Variants in TPRG1 observed in about 807,000 individuals in gnomAD.
The protein encoded by TPRG1 is tumor protein p63 regulated 1.
A neutral mutation model predicts 29.3 loss-of-function variants in TPRG1; 29 were observed. The ratio of observed to expected loss-of-function variants is 0.99; its 90% CI spans 0.74 to 1.35. The LOEUF (loss-of-function observed/expected upper bound fraction) is 1.35. Ranked by LOEUF, TPRG1 falls within the 40% of genes most tolerant of loss-of-function variation. TPRG1 has a pLI of 0.00. For missense variants in TPRG1, 327 were observed against 335.0 expected (o/e 0.98, Z 0.19); for synonymous variants, 130 against 116.8 (o/e 1.11, Z -0.73).
At chr3:189,097,239 G>T (rs1718739314), upstream of TPRG1, among the ~76,000 whole-genome samples, 1 of 152,134 alleles carries the variant, frequency 6.6e-6, no homozygotes, top group East Asian at 1.9e-4. Flanking sequence ...TCCTGGTGGT[G>T]GATACACCTT....
intron 4 of TPRG1, among the ~76,000 whole-genome samples, chr3:189,092,723 C>T (rs1718419063): frequency 6.6e-6 from 1 of 152,080 alleles, no homozygotes; most frequent in Non-Finnish European, 1.5e-5. Flanking sequence ...ACGGGCAATA[C>T]CACTGTCACC....
In TPRG1 at chr3:189,147,834, A is replaced by C. The variant is rs564143104; in HGVS notation, c.-227+187A>C. On this transcript the variant is annotated intron_variant, in intron 4 of 6. Coordinates refer to the TPRG1 transcript ENST00000412373. Reference sequence around the variant, plus strand: ...TTGAGTCTGGCAGATGGGGGTGGGCAGGAGGTTAAGGAACTTCAGCAGACG... The same window carrying C: ...TTGAGTCTGGCAGATGGGGGTGGGCCGGAGGTTAAGGAACTTCAGCAGACG... Among the ~76,000 whole-genome samples the C allele has an allele frequency of 9.8e-5, 15 of 152,300 alleles. No individual in the cohort carries two copies. In the East Asian group the frequency reaches 2.9e-3, roughly 29 times the overall value.
chr3:189,117,832 A>C (rs1380626518), intron 1 of TPRG1, among the ~76,000 whole-genome samples: 3 of 152,228 alleles, frequency 2.0e-5, no homozygotes, highest in Non-Finnish European at 4.4e-5. Flanking sequence ...ACTGTGAGTC[A>C]ATTAAACTTC....
At chr3:189,200,282 A>T (rs777932986) in intron 1 of TPRG1, among the ~76,000 whole-genome samples, 4 of 152,180 alleles carry the variant, frequency 2.6e-5, no homozygotes, top group Non-Finnish European at 5.9e-5. Context: ...ATTGTTTGCC[A>T]ATTTTCTTAT....
intron 1 of TPRG1, chr3:189,207,083 A>G (rs182269052): frequency 6.9e-5 from 50 of 720,772 alleles, no homozygotes. Context: ...TCTGGTAATT[A>G]TTTTATATAG....
At chr3:189,034,816 T>C (rs113612631) in intron 4 of TPRG1, among the ~76,000 whole-genome samples, 1 of 152,162 alleles carries the variant, frequency 6.6e-6, no homozygotes, top group South Asian at 2.1e-4. Flanking sequence ...AAACATTCCA[T>C]GCTCATTTAT....
intron 4 of TPRG1, among the ~76,000 whole-genome samples, chr3:189,093,265 AG>A (rs1718458428): frequency 6.6e-6 from 1 of 152,214 alleles, no homozygotes; most frequent in Admixed American, 6.5e-5. Context: ...TAAAGAATTC[AG>A]CTGCATTTTG....
At chr3:189,258,313 C>A (rs1216520069) in intron 4 of TPRG1, among the ~76,000 whole-genome samples, 2 of 152,092 alleles carry the variant, frequency 1.3e-5, no homozygotes, top group South Asian at 2.1e-4. Context: ...ACCCTGTTTG[C>A]CTGGGTATCA....
At chr3:189,088,574 G>C (rs941242217) in intron 4 of TPRG1, among the ~76,000 whole-genome samples, 1 of 151,872 alleles carries the variant, frequency 6.6e-6, no homozygotes, top group East Asian at 1.9e-4. Flanking sequence ...CAAATGTCGG[G>C]GTTACTTCCA....
chr3:189,012,600 A>G (rs1001751816), intron 3 of TPRG1, among the ~76,000 whole-genome samples: 1 of 152,146 alleles, frequency 6.6e-6, no homozygotes, highest in Non-Finnish European at 1.5e-5. Flanking sequence ...ATCTGGTATA[A>G]TTCAGCTGTG....
intron 5 of TPRG1, among the ~76,000 whole-genome samples, chr3:189,162,071 C>G (rs995055714): frequency 1.2e-4 from 19 of 152,188 alleles, no homozygotes; most frequent in Non-Finnish European, 8.8e-5. Flanking sequence ...TGGCTCATTG[C>G]AACCTCTGCT....
intron 1 of TPRG1, among the ~76,000 whole-genome samples, chr3:189,108,046 C>A (rs2378470): frequency 0.43 from 65,690 of 152,022 alleles, 19,161 homozygotes; most frequent in African/African-American, 0.82. Flanking sequence ...GATACTTTGT[C>A]TAATGGGGAG....
At chr3:189,304,921 T>A (rs1378340661) in intron 4 of TPRG1, among the ~76,000 whole-genome samples, 4 of 152,108 alleles carry the variant, frequency 2.6e-5, no homozygotes, top group African/African-American at 9.7e-5. Flanking sequence ...TGCTCACCCA[T>A]ACTTACAAGC....
chr3:189,264,048 T>C (rs1713608112), intron 4 of TPRG1, among the ~76,000 whole-genome samples: 1 of 152,182 alleles, frequency 6.6e-6, no homozygotes, highest in Non-Finnish European at 1.5e-5. Flanking sequence ...AGAAATGCCA[T>C]ATGAAGTCTC....
At chr3:189,234,407 C>T (rs899999755) in intron 3 of TPRG1, among the ~76,000 whole-genome samples, 1 of 152,196 alleles carries the variant, frequency 6.6e-6, no homozygotes, top group Non-Finnish European at 1.5e-5. Context: ...CCACCACTTA[C>T]AAATAATCAC....
chr3:189,010,188 C>G (rs1301202181), intron 3 of TPRG1, among the ~76,000 whole-genome samples: 2 of 152,148 alleles, frequency 1.3e-5, no homozygotes, highest in Non-Finnish European at 2.9e-5. Context: ...TTTACCCAGT[C>G]TATCACTGAT....
intron 2 of TPRG1, among the ~76,000 whole-genome samples, chr3:189,130,101 G>C (rs1722936330): frequency 6.6e-6 from 1 of 152,214 alleles, no homozygotes; most frequent in Non-Finnish European, 1.5e-5. Context: ...GGCAAGCTCA[G>C]CTCTGAGTAA....
At chr3:189,286,263 T>C (rs6790247) in intron 4 of TPRG1, among the ~76,000 whole-genome samples, 13,428 of 152,094 alleles carry the variant, frequency 0.088, 809 homozygotes, top group East Asian at 0.15. Context: ...AAACAGGAAC[T>C]TTCCCACTGC....
chr3:189,179,324 C>T (rs777420327), intron 1 of TPRG1, among the ~76,000 whole-genome samples: 17 of 152,144 alleles, frequency 1.1e-4, no homozygotes, highest in Non-Finnish European at 2.2e-4. Flanking sequence ...GCTTTGCACA[C>T]CATTTGTCAC....
Sources: allele counts gnomAD v4.1 joint callset (sites outside exome capture counted in the v4.1 genomes callset), GRCh38; gene constraint gnomAD v4.1.1; transcripts MANE v1.5; gene names NCBI Gene and HGNC (gene_info 2026-07-23, HGNC 2026-07-21).